MSL1: variants seen among roughly 807,000 people sequenced by gnomAD.
MSL1 encodes the protein male-specific lethal 1 homolog.
Under a neutral mutation model 64.6 loss-of-function variants are expected in MSL1, and 21 were observed. The observed-to-expected ratio is 0.33, with a 90% CI of 0.23 to 0.47. The LOEUF (loss-of-function observed/expected upper bound fraction) is 0.47. MSL1 is among the 20% of genes least tolerant of loss of function. The pLI is 1.00. For synonymous variants in MSL1, 339 were observed against 329.6 expected, an observed-to-expected ratio of 1.03 and a Z score of -0.31; for missense variants, 664 against 793.2, an observed-to-expected ratio of 0.84 and a Z score of 1.96.
chr17:40,130,686 C>T (rs184730931), intron 3 of MSL1, among the ~76,000 whole-genome samples: 1 of 152,172 alleles, frequency 6.6e-6, no homozygotes, highest in African/African-American at 2.4e-5. Flanking sequence ...GATCTAACCT[C>T]TATTAGGCCT....
Position 40,123,040 on chromosome 17 carries a change from T to C in MSL1, c.428T>C (p.Val143Ala), listed in dbSNP as rs1478516363. The change falls in exon 1 of 9, where the codon GTG becomes GCG. Residue 143 changes from valine (V) to alanine (A), a missense_variant. Transcript: ENST00000398532. ...CTGCCCATTCAGACGGGCTCTCTCGTGGCGGCGGCCAAAGAGCCTACGCCC... is the reference window on the plus strand; with the variant it reads ...CTGCCCATTCAGACGGGCTCTCTCGCGGCGGCGGCCAAAGAGCCTACGCCC... ...AVLPIQTGSL[V>A]AAAKEPTPWA... is the part of the protein sequence containing the mutation. 1 of 1,531,990 alleles carries C rather than the reference T, an allele frequency of 6.5e-7. No individual in the cohort carries two copies. The highest frequency in any genetic ancestry group is 2.5e-5 in the East Asian group (1 of 40,428). 94.9% of individuals were successfully genotyped at this position (1,531,990 alleles called of 1,614,324 possible).
rs1428570241 is a variant in MSL1, at chr17:40,122,190, G to T, written c.-423G>T. 1 of 149,592 alleles carries T rather than the reference G, an allele frequency of 6.7e-6. No homozygotes were observed. Among genetic ancestry groups the T allele is most frequent in the Non-Finnish European group, 1.5e-5 (1 of 67,032 alleles). The allele number at this position is 149,592 out of a possible 1,614,324, so 9.3% of individuals were successfully genotyped here. On this transcript the variant is annotated 5_prime_UTR_variant, in exon 1 of 9. In the 5' UTR this introduces an upstream ATG that the reference lacks. Transcript: ENST00000398532. This position sits in a 1 kb window ranked among gnomAD's most constrained non-coding sequence, Gnocchi z 4.2. ...CTGAGGAGGAGGGGGGGGAAATGGAGGCTCGGGGCGGTTGAGGCGAGCTCC... is the reference window on the plus strand; with the variant it reads ...CTGAGGAGGAGGGGGGGGAAATGGATGCTCGGGGCGGTTGAGGCGAGCTCC...
Position 40,123,244 on chromosome 17 carries a change from G to T in MSL1, c.632G>T (p.Gly211Val). Residue 211 changes from glycine to valine, a missense_variant, in exon 1 of 9, where the codon GGC (glycine) becomes GTC (valine). Around this residue, in one of 4 missense-constraint regions of MSL1, gnomAD observed 466 missense variants for 499.0 expected, o/e 0.93. Transcript: ENST00000398532. ...SMRKSPLGGG[G>V]GSGASSQAAC... Reference sequence around the variant, plus strand: ...AGGAAGAGCCCTCTCGGGGGTGGTGGCGGCTCGGGAGCCTCCAGTCAGGCC... The same window carrying T: ...AGGAAGAGCCCTCTCGGGGGTGGTGTCGGCTCGGGAGCCTCCAGTCAGGCC... 6.5e-7 allele frequency: 1 copy of T among 1,535,796 alleles called. No homozygotes were observed. The highest frequency in any genetic ancestry group is 2.4e-5 in the East Asian group (1 of 40,948).
chr17:40,128,337 T>C (rs1045450213), intron 2 of MSL1, among the ~76,000 whole-genome samples: 1 of 151,382 alleles, frequency 6.6e-6, no homozygotes, highest in African/African-American at 2.4e-5. Context: ...GTTGTAGTGG[T>C]ACATAATGTT....
At chr17:40,133,505 C>T in intron 6 of MSL1, 29 bp from the exon 7 acceptor site, 3 of 1,594,638 alleles carry the variant, frequency 1.9e-6, no homozygotes, top group Non-Finnish European at 2.6e-6. Context: ...TGTTGGGTTT[C>T]TTTGTTTTGT....
chr17:40,131,364 CTT>C lies in MSL1; in HGVS notation c.1376-170_1376-169del. 1.9e-6 allele frequency: 1 copy of C among 518,184 alleles called. No individual in the cohort carries two copies. The highest frequency in any genetic ancestry group is 3.5e-6 in the Non-Finnish European group (1 of 288,182). 32.1% of individuals were successfully genotyped at this position (518,184 alleles called of 1,614,324 possible). On this transcript the variant is annotated intron_variant, in intron 3 of 8. Coordinates refer to ENST00000398532, the MANE Select transcript of MSL1 (RefSeq NM_001365919.1). The surrounding 1 kb of genome is among the most constrained non-coding windows in gnomAD (Gnocchi z 4.5). The stretch of plus-strand genomic sequence containing the variant: ...AAAAGTGGTGGGCTTATTTTCTTTT[CTT>C]TTGTCTGTTGTTCCCTCTTCCCCTC...
chr17:40,125,370 A>T (rs1165941186), intron 1 of MSL1, among the ~76,000 whole-genome samples: 1 of 152,218 alleles, frequency 6.6e-6, no homozygotes, highest in East Asian at 1.9e-4. Context: ...CCTCCCACAC[A>T]TACCCCTTTC....
chr17:40,126,828 T>C (rs1988328541), intron 2 of MSL1: 1 of 170,108 alleles, frequency 5.9e-6, no homozygotes, highest in Non-Finnish European at 1.3e-5. Flanking sequence ...AAAGAAGTCT[T>C]CTATGCTGAG....
intron 3 of MSL1, chr17:40,129,963 C>T (rs975854128): frequency 4.9e-6 from 1 of 204,912 alleles, no homozygotes; most frequent in African/African-American, 2.3e-5. Flanking sequence ...ATGCATAGAA[C>T]TATACTTTGC....
Position 40,123,200 on chromosome 17 carries a change from G to T in MSL1, c.588G>T (p.Glu196Asp), listed in dbSNP as rs1156865601. The T allele has an allele frequency of 1.3e-6, 2 of 1,535,458 alleles. No homozygotes were observed. The highest frequency in any genetic ancestry group is 2.4e-5 in the South Asian group (2 of 84,064). ...CCGCCGGGACCCTGGCGGCCAGCGA[G>T]GGCAGATGGAAGAGTATGAGGAAGA... ...TATAGTLAAS[E>D]GRWKSMRKSP... The change falls in exon 1 of 9, where the codon GAG becomes GAT. Residue 196 changes from glutamate to aspartate, a missense_variant. Glu to Asp is a conservative substitution (Grantham distance 45). Coordinates refer to ENST00000398532, the MANE Select transcript of MSL1 (RefSeq NM_001365919.1).
At chr17:40,124,310 C>T (rs780528813) in intron 1 of MSL1, among the ~76,000 whole-genome samples, 2 of 151,934 alleles carry the variant, frequency 1.3e-5, no homozygotes, top group Non-Finnish European at 2.9e-5. Flanking sequence ...GTTCAGGCTG[C>T]AGCAGTCTCT....
intron 2 of MSL1, chr17:40,126,677 G>A (rs1988323990): frequency 8.8e-6 from 3 of 340,666 alleles, no homozygotes; most frequent in East Asian, 6.4e-5. Flanking sequence ...GCGTGATGGC[G>A]GGCGCCTGTA....
chr17:40,122,201 G>C lies in MSL1; in HGVS notation c.-412G>C, dbSNP rs1039148661. The C allele has an allele frequency of 3.6e-4, 53 of 146,700 alleles. No homozygotes were observed. Among genetic ancestry groups the C allele is most frequent in the African/African-American group, 1.3e-3 (52 of 40,202 alleles). The allele number at this position is 146,700 out of a possible 1,614,324, so 9.1% of individuals were successfully genotyped here. A position where few individuals can be genotyped will look rare whatever the true frequency, so the allele number is the denominator to read the frequency against. On this transcript the variant is annotated 5_prime_UTR_variant, in exon 1 of 9. Coordinates refer to ENST00000398532, the MANE Select transcript of MSL1 (RefSeq NM_001365919.1). The surrounding 1 kb of genome is among the most constrained non-coding windows in gnomAD (Gnocchi z 4.2). ...GGGGGGGAAATGGAGGCTCGGGGCG[G>C]TTGAGGCGAGCTCCGGGGCGGGGGG... is the stretch of plus-strand genomic sequence containing the variant.
Position 40,122,879 on chromosome 17 carries a change from C to G in MSL1, c.267C>G (p.Pro89=). ...TGTTACTCCCGGCCGGGGCGGCCCC[C>G]GGGCAGCAGGAAGAGAGCTGGGGCG... ...RGLLLPAGAA[P]GQQEESWGGS... Residue 89 remains proline (P), a synonymous_variant, in exon 1 of 9, where the codon CCC becomes CCG. Transcript: ENST00000398532. This position sits in a 1 kb window ranked among gnomAD's most constrained non-coding sequence, Gnocchi z 4.2. 2.1e-6 allele frequency: 3 copies of G among 1,403,604 alleles called. No individual in the cohort carries two copies. The highest frequency in any genetic ancestry group is 1.5e-5 in the African/African-American group (1 of 65,776). 86.9% of individuals were successfully genotyped at this position (1,403,604 alleles called of 1,614,324 possible). A position where few individuals can be genotyped will look rare whatever the true frequency, so the allele number is the denominator to read the frequency against.
chr17:40,133,290 A>G (rs1988477113), intron 6 of MSL1, 181 bp downstream of exon 6: 2 of 737,674 alleles, frequency 2.7e-6, no homozygotes, highest in African/African-American at 1.8e-5. Context: ...TGCGGTAAAC[A>G]TGTTTGGCCT....
At position 40,131,194 on chromosome 17, in the gene MSL1, A is replaced by C. The variant is rs1988431357; in HGVS notation, c.1376-343A>C. The C allele has an allele frequency of 4.6e-6, 1 of 216,304 alleles. No individual in the cohort carries two copies. Among genetic ancestry groups the C allele is most frequent in the Non-Finnish European group, 9.5e-6 (1 of 104,894 alleles). 13.4% of individuals were successfully genotyped at this position (216,304 alleles called of 1,614,324 possible). A position where few individuals can be genotyped will look rare whatever the true frequency, so the allele number is the denominator to read the frequency against. On this transcript the variant is annotated intron_variant, in intron 3 of 8. Transcript: ENST00000398532. This position sits in a 1 kb window ranked among gnomAD's most constrained non-coding sequence, Gnocchi z 4.5. ...AAGACTACATATGTAAGTTTTGAGA[A>C]CACTGATCTTTTATTTGAAAAATAG...
rs1988512070 is a variant in MSL1 at position 40,134,937 on chromosome 17, T to C, written c.*568T>C. The C allele has an allele frequency of 6.6e-6, 1 of 152,472 alleles. No homozygotes were observed. Among genetic ancestry groups the C allele is most frequent in the African/African-American group, 2.4e-5 (1 of 41,456 alleles). 9.4% of individuals were successfully genotyped at this position (152,472 alleles called of 1,614,324 possible). A position where few individuals can be genotyped will look rare whatever the true frequency, so the allele number is the denominator to read the frequency against. ...GTTGGTAGATAACTGTCTGAAAAGA[T>C]AGTTGTTCATTTGAAACTATTCTGT... On this transcript the variant is annotated 3_prime_UTR_variant, in exon 9 of 9. Coordinates refer to ENST00000398532, the MANE Select transcript of MSL1 (RefSeq NM_001365919.1).
chr17:40,127,694 G>T (rs1988352254), intron 2 of MSL1, among the ~76,000 whole-genome samples: 2 of 152,148 alleles, frequency 1.3e-5, no homozygotes, highest in Admixed American at 1.3e-4. Flanking sequence ...TTCCCAGGCT[G>T]ATCTCAAACT....
chr17:40,130,919 T>A (rs999128916), intron 3 of MSL1: 1 of 152,368 alleles, frequency 6.6e-6, no homozygotes, highest in Non-Finnish European at 1.5e-5. Context: ...AAATCCTTTC[T>A]TCCCTAGTAC....
Sources: allele counts gnomAD v4.1 joint callset (sites outside exome capture counted in the v4.1 genomes callset), GRCh38; gene constraint gnomAD v4.1.1; regional missense constraint gnomAD v4.1.1; non-coding constraint Gnocchi (gnomAD v3.1); transcripts MANE v1.5; gene names NCBI Gene and HGNC (gene_info 2026-07-23, HGNC 2026-07-21).